LRRC4C: variants seen among roughly 807,000 people sequenced by gnomAD.
The protein encoded by LRRC4C is leucine-rich repeat-containing protein 4C.
Under a neutral mutation model 33.6 loss-of-function variants are expected in LRRC4C, and 5 were observed. The ratio of observed to expected loss-of-function variants is 0.15; its 90% CI spans 0.08 to 0.31. The LOEUF (loss-of-function observed/expected upper bound fraction) is 0.31. Ranked by LOEUF, LRRC4C falls within the 10% of genes least tolerant of loss-of-function variation. LRRC4C has a pLI of 1.00. For missense variants in LRRC4C, 560 were observed against 796.7 expected, an observed-to-expected ratio of 0.70 and a Z score of 3.58; for synonymous variants, 329 against 302.0, an observed-to-expected ratio of 1.09 and a Z score of -0.93.
intron 5 of LRRC4C, among the ~76,000 whole-genome samples, chr11:40,152,688 AC>A (rs2135133094): frequency 6.6e-6 from 1 of 152,088 alleles, no homozygotes; most frequent in African/African-American, 2.4e-5. Flanking sequence ...TTAGCTGACA[AC>A]CTGCATGACT....
chr11:41,339,178 C>A (rs1425503232), intron 1 of LRRC4C, among the ~76,000 whole-genome samples: 1 of 152,018 alleles, frequency 6.6e-6, no homozygotes, highest in East Asian at 1.9e-4. Context: ...TATGATATTG[C>A]TAGATGCTAC....
At chr11:41,303,079 G>GTCCCTCTCCCTC (rs142390416) in intron 1 of LRRC4C, among the ~76,000 whole-genome samples, 11,804 of 100,594 alleles carry the variant, frequency 0.12, 1,034 homozygotes, top group Non-Finnish European at 0.19. Context: ...TACTGCATTA[G>GTCCCTCTCCCTC]TCCCTCTCCC....
chr11:40,682,597 G>A (rs142142341), intron 2 of LRRC4C, among the ~76,000 whole-genome samples: 2,569 of 151,962 alleles, frequency 0.017, 72 homozygotes, highest in African/African-American at 0.058. Flanking sequence ...CCCAAATGGC[G>A]AAACCCAATC....
At chr11:40,630,942 T>C (rs189166913) in intron 3 of LRRC4C, among the ~76,000 whole-genome samples, 14 of 152,322 alleles carry the variant, frequency 9.2e-5, no homozygotes, top group African/African-American at 3.4e-4. Context: ...CTGTGCATCT[T>C]AAACAGAGAA....
At chr11:40,333,721 A>G (rs1350632524) in intron 3 of LRRC4C, among the ~76,000 whole-genome samples, 17 of 147,110 alleles carry the variant, frequency 1.2e-4, no homozygotes, top group Non-Finnish European at 2.4e-4. Flanking sequence ...TTGTCTCAAA[A>G]AAAAAAAAAA....
chr11:40,630,991 T>G (rs553417104), intron 3 of LRRC4C, among the ~76,000 whole-genome samples: 20 of 152,294 alleles, frequency 1.3e-4, no homozygotes, highest in African/African-American at 4.8e-4. Flanking sequence ...AATTTTTCAG[T>G]GTGAAATAAT....
intron 3 of LRRC4C, among the ~76,000 whole-genome samples, chr11:40,406,540 A>C (rs1411030835): frequency 1.3e-5 from 2 of 152,166 alleles, no homozygotes; most frequent in African/African-American, 4.8e-5. Context: ...AATTAATGCA[A>C]CAACATAGAA....
At chr11:40,222,027 A>G (rs1864458374) in intron 5 of LRRC4C, among the ~76,000 whole-genome samples, 1 of 152,048 alleles carries the variant, frequency 6.6e-6, no homozygotes, top group Non-Finnish European at 1.5e-5. Flanking sequence ...TAGATTCTGT[A>G]TATACAAATA....
At chr11:41,139,836 T>C (rs1943426383) in intron 1 of LRRC4C, among the ~76,000 whole-genome samples, 1 of 152,112 alleles carries the variant, frequency 6.6e-6, no homozygotes, top group African/African-American at 2.4e-5. Context: ...CTCCTTCCCT[T>C]TGGGCTGTGT....
chr11:40,568,080 C>T lies in LRRC4C; in HGVS notation c.-270+80062G>A, dbSNP rs115615526. 2.1e-3 allele frequency among the ~76,000 whole-genome samples: 326 copies of T among 152,314 alleles called. 1 individual carries two copies. Among genetic ancestry groups the T allele is most frequent in the African/African-American group, 7.5e-3 (313 of 41,578 alleles). Reference sequence around the variant, plus strand: ...CTTCAGTGTGGGCTGGACCTCAGGACATGCTTCAAACGAACAGATCATAAT... The same window carrying T: ...CTTCAGTGTGGGCTGGACCTCAGGATATGCTTCAAACGAACAGATCATAAT... On this transcript the variant is annotated intron_variant, in intron 3 of 6. Transcript: ENST00000528697.
intron 5 of LRRC4C, among the ~76,000 whole-genome samples, chr11:40,173,517 GC>G (rs1247486618): frequency 6.6e-6 from 1 of 152,112 alleles, no homozygotes; most frequent in Non-Finnish European, 1.5e-5. Context: ...TCCAACTATT[GC>G]CCTTTGTTTT....
intron 2 of LRRC4C, among the ~76,000 whole-genome samples, chr11:40,898,248 G>A (rs913514056): frequency 1.3e-5 from 2 of 150,540 alleles, no homozygotes; most frequent in Non-Finnish European, 2.9e-5. Flanking sequence ...CAGCTACTCG[G>A]GAGGCTGAGC....
chr11:40,800,930 A>G (rs533330400), intron 2 of LRRC4C, among the ~76,000 whole-genome samples: 1 of 152,290 alleles, frequency 6.6e-6, no homozygotes, highest in Non-Finnish European at 1.5e-5. Flanking sequence ...CCATCACATC[A>G]TAATCTTGTT....
At chr11:41,391,948 C>T (rs960870819) in intron 1 of LRRC4C, among the ~76,000 whole-genome samples, 10 of 151,908 alleles carry the variant, frequency 6.6e-5, no homozygotes, top group Non-Finnish European at 7.4e-5. Flanking sequence ...GGCATCACTG[C>T]TATTTAAAAG....
At chr11:41,357,001 G>C (rs1330437878) in intron 1 of LRRC4C, among the ~76,000 whole-genome samples, 2 of 152,084 alleles carry the variant, frequency 1.3e-5, no homozygotes, top group Admixed American at 1.3e-4. Flanking sequence ...TAATCTGTGA[G>C]AGATCCTGAA....
chr11:40,693,053 A>G (rs2136416871), intron 2 of LRRC4C, among the ~76,000 whole-genome samples: 1 of 152,212 alleles, frequency 6.6e-6, no homozygotes, highest in African/African-American at 2.4e-5. Context: ...AGATGAATAT[A>G]ATCTCTGGGA....
At chr11:40,279,691 T>C (rs986258224) in intron 4 of LRRC4C, among the ~76,000 whole-genome samples, 1 of 152,170 alleles carries the variant, frequency 6.6e-6, no homozygotes, top group Non-Finnish European at 1.5e-5. Flanking sequence ...ATAAATAAAT[T>C]GCCTGAAACC....
intron 2 of LRRC4C, among the ~76,000 whole-genome samples, chr11:40,707,422 G>A (rs1321216580): frequency 2.6e-5 from 4 of 152,174 alleles, no homozygotes; most frequent in Non-Finnish European, 5.9e-5. Context: ...AGCATGAAGG[G>A]CTGTTGAATT....
intron 2 of LRRC4C, among the ~76,000 whole-genome samples, chr11:40,772,360 C>T (rs1949794670): frequency 6.6e-6 from 1 of 152,184 alleles, no homozygotes; most frequent in Non-Finnish European, 1.5e-5. Flanking sequence ...CGAGGTCCCT[C>T]TCCCAACACA....
Sources: allele counts gnomAD v4.1 joint callset (sites outside exome capture counted in the v4.1 genomes callset), GRCh38; gene constraint gnomAD v4.1.1; transcripts MANE v1.5; gene names NCBI Gene and HGNC (gene_info 2026-07-23, HGNC 2026-07-21).